The following HMGB1 variants were observed in gnomAD, a reference collection of about 807,000 sequenced individuals.
HMGB1 encodes the protein high mobility group box 1, also known as high mobility group protein B1.
For missense variants in HMGB1, 79 were observed against 253.5 expected, an observed-to-expected ratio of 0.31 and a Z score of 4.67; for synonymous variants, 81 against 84.0, an observed-to-expected ratio of 0.96 and a Z score of 0.19.
At chr13:30,558,113 A>T (rs1869768424) in intron 1 of HMGB1, among the ~76,000 whole-genome samples, 1 of 152,166 alleles carries the variant, frequency 6.6e-6, no homozygotes, top group Admixed American at 6.5e-5. Context: ...AAGGATAATG[A>T]AGAGAACAGG....
chr13:30,465,122 C>G, intron 1 of HMGB1: 2 of 968,912 alleles, frequency 2.1e-6, no homozygotes, highest in Non-Finnish European at 2.4e-6. Flanking sequence ...TGTTTTCTCT[C>G]CAGCCAGCAG....
chr13:30,459,487 A>C lies in HMGB1; in HGVS notation c.*1870T>G, dbSNP rs1886170256. ...TCTATACAGTAGAAACTTCCATCTA[A>C]ATCAGATTGAGTCATTTGCTCCTCT... On this transcript the variant is annotated 3_prime_UTR_variant, in exon 5 of 5. Transcript: ENST00000341423. The C allele has an allele frequency of 6.6e-6, 1 of 152,150 alleles. No individual in the cohort carries two copies. The highest frequency in any genetic ancestry group is 2.4e-5 in the African/African-American group (1 of 41,428). The allele number at this position is 152,150 out of a possible 1,614,324, so 9.4% of individuals were successfully genotyped here. A position where few individuals can be genotyped will look rare whatever the true frequency, so the allele number is the denominator to read the frequency against.
chr13:30,580,240 A>C (rs1376784230), intron 1 of HMGB1, among the ~76,000 whole-genome samples: 1 of 152,264 alleles, frequency 6.6e-6, no homozygotes, highest in East Asian at 1.9e-4. Flanking sequence ...GTAGGTGTTC[A>C]AAAAGAAATA....
intron 1 of HMGB1, among the ~76,000 whole-genome samples, chr13:30,489,415 G>A (rs2137439165): frequency 6.6e-6 from 1 of 152,318 alleles, no homozygotes; most frequent in Non-Finnish European, 1.5e-5. Flanking sequence ...AGAAGATGCA[G>A]TTGTACTGGT....
rs1886168153 is a variant in HMGB1, at chr13:30,459,458, GAT to G, written c.*1897_*1898del. 1 of 152,170 alleles carries G rather than the reference GAT, an allele frequency of 6.6e-6. No individual in the cohort carries two copies. 9.4% of individuals were successfully genotyped at this position (152,170 alleles called of 1,614,324 possible). A position where few individuals can be genotyped will look rare whatever the true frequency, so the allele number is the denominator to read the frequency against. On this transcript the variant is annotated 3_prime_UTR_variant, in exon 5 of 5. Coordinates refer to ENST00000341423, the MANE Select transcript of HMGB1 (RefSeq NM_002128.7). ...ATTATTAATGTTGGTGATTAATGGT[GAT>G]TTCTATACAGTAGAAACTTCCATCT... is the stretch of plus-strand genomic sequence containing the variant.
At chr13:30,530,868 G>A (rs972827199) in intron 1 of HMGB1, among the ~76,000 whole-genome samples, 4 of 152,056 alleles carry the variant, frequency 2.6e-5, no homozygotes, top group Non-Finnish European at 4.4e-5. Flanking sequence ...CCAACATAAC[G>A]AAATCCTGTC....
intron 1 of HMGB1, among the ~76,000 whole-genome samples, chr13:30,545,698 T>C (rs1441368875): frequency 6.6e-6 from 1 of 152,066 alleles, no homozygotes; most frequent in Non-Finnish European, 1.5e-5. Context: ...TTTTTGTTTG[T>C]TTGTGGGTTT....
intron 1 of HMGB1, among the ~76,000 whole-genome samples, chr13:30,585,766 GACTA>G (rs770862890): frequency 1.3e-5 from 2 of 152,082 alleles, no homozygotes; most frequent in Non-Finnish European, 2.9e-5. Context: ...GCAGGTTTAT[GACTA>G]ACTACTAGCT....
intron 1 of HMGB1, among the ~76,000 whole-genome samples, chr13:30,519,539 C>A (rs1168842712): frequency 6.9e-6 from 1 of 144,138 alleles, no homozygotes; most frequent in Non-Finnish European, 1.5e-5. Context: ...ACTAAAAATA[C>A]AAAAAAAAAA....
chr13:30,561,194 G>A (rs1289899135), intron 1 of HMGB1, among the ~76,000 whole-genome samples: 1 of 152,186 alleles, frequency 6.6e-6, no homozygotes, highest in Non-Finnish European at 1.5e-5. Flanking sequence ...TGGAATTAGG[G>A]CAGCCAATAG....
intron 1 of HMGB1, among the ~76,000 whole-genome samples, chr13:30,502,405 C>G (rs192367491): frequency 6.6e-6 from 1 of 152,246 alleles, no homozygotes; most frequent in East Asian, 1.9e-4. Flanking sequence ...CTCCTTAAGG[C>G]CCATCCCCCA....
intron 1 of HMGB1, among the ~76,000 whole-genome samples, chr13:30,538,996 A>G (rs944479022): frequency 1.3e-5 from 2 of 152,076 alleles, no homozygotes; most frequent in Non-Finnish European, 2.9e-5. Context: ...TCCCGGGTTC[A>G]AGAGATTCTC....
intron 1 of HMGB1, among the ~76,000 whole-genome samples, chr13:30,517,521 C>T: frequency 6.6e-6 from 1 of 152,248 alleles, no homozygotes; most frequent in East Asian, 1.9e-4. Flanking sequence ...TCTCCTGCCT[C>T]AGCCTCCAGA....
intron 1 of HMGB1, among the ~76,000 whole-genome samples, chr13:30,538,134 GT>G (rs1057049335): frequency 2.6e-4 from 40 of 152,218 alleles, no homozygotes; most frequent in African/African-American, 8.4e-4. Context: ...TTTCATTTCT[GT>G]TTGTTAAAGA....
chr13:30,571,415 C>A (rs1283549817), intron 1 of HMGB1, among the ~76,000 whole-genome samples: 1 of 152,036 alleles, frequency 6.6e-6, no homozygotes, highest in Non-Finnish European at 1.5e-5. Context: ...TTGCCTCAGC[C>A]TCCCAAGTAG....
chr13:30,478,871 C>CTTTT (rs3042542), intron 1 of HMGB1, among the ~76,000 whole-genome samples: 1 of 126,140 alleles, frequency 7.9e-6, no homozygotes, highest in Non-Finnish European at 1.7e-5. Flanking sequence ...CTTTTCTTTT[C>CTTTT]TTTTTTTTTT....
intron 1 of HMGB1, chr13:30,554,801 GC>G: frequency 1.3e-6 from 1 of 764,370 alleles, no homozygotes; most frequent in Admixed American, 1.7e-5. Flanking sequence ...AAAGAAAAAG[GC>G]CAAGATAGAC....
At chr13:30,526,698 T>C (rs989249715) in intron 1 of HMGB1, among the ~76,000 whole-genome samples, 4 of 152,200 alleles carry the variant, frequency 2.6e-5, no homozygotes, top group Admixed American at 6.5e-5. Flanking sequence ...ACAGCAAGCC[T>C]GCCACCACGA....
chr13:30,487,382 A>ACAGT (rs1887388226), intron 1 of HMGB1, among the ~76,000 whole-genome samples: 1 of 152,232 alleles, frequency 6.6e-6, no homozygotes, highest in Admixed American at 6.5e-5. Context: ...GCTTTGTTGA[A>ACAGT]CAGGCTTCTT....
Sources: gnomAD v4.1 joint callset for allele counts (sites outside exome capture counted in the v4.1 genomes callset) on GRCh38, gnomAD v4.1.1 for gene constraint, MANE v1.5 for transcripts, NCBI Gene and HGNC (gene_info 2026-07-23, HGNC 2026-07-21) for gene names.